Variants in RTL4 observed in about 807,000 individuals in gnomAD.
RTL4 encodes retrotransposon Gag-like protein 4.
A neutral mutation model predicts 5.3 loss-of-function variants in RTL4; 4 were observed. That is an observed-to-expected ratio of 0.75 (90% CI 0.37 to 1.72). RTL4 has a LOEUF of 1.72. Ranked by LOEUF, RTL4 falls within the 40% of genes most tolerant of loss-of-function variation. The pLI, the probability that RTL4 is intolerant of heterozygous loss-of-function variation, is 0.04. For synonymous variants in RTL4, 98 were observed against 87.3 expected (o/e 1.12, Z -0.68); for missense variants, 260 against 227.1 (o/e 1.14, Z -0.93).
chrX:112,093,292 C>T, the RTL4 span, among the ~76,000 whole-genome samples: 10 of 111,167 alleles, frequency 9.0e-5, 1 homozygote, highest in Admixed American at 6.7e-4. Flanking sequence ...CTTAAGAACT[C>T]ATAATAACTA....
chrX:112,127,901 A>G, the RTL4 span, among the ~76,000 whole-genome samples: 9 of 112,239 alleles, frequency 8.0e-5, no homozygotes, highest in African/African-American at 2.6e-4. Flanking sequence ...AAACTACAAA[A>G]CATTGCTTAG....
chrX:112,178,004 T>A, the RTL4 span, among the ~76,000 whole-genome samples: 1 of 109,662 alleles, frequency 9.1e-6, no homozygotes, highest in Non-Finnish European at 1.9e-5. Context: ...GTTTGGCCTG[T>A]AAGGCTGCAG....
the RTL4 span, among the ~76,000 whole-genome samples, chrX:112,327,478 C>A: frequency 9.1e-6 from 1 of 110,027 alleles, no homozygotes; most frequent in Non-Finnish European, 1.9e-5. Context: ...AAGAAATGAA[C>A]AAAGCCTCCA....
chrX:112,103,207 TA>T, the RTL4 span, among the ~76,000 whole-genome samples: 53 of 110,108 alleles, frequency 4.8e-4, no homozygotes, highest in African/African-American at 1.5e-3. Context: ...ATAGACTAGA[TA>T]AAAAAAAATG....
At chrX:112,229,961 G>C in the RTL4 span, among the ~76,000 whole-genome samples, 149 of 112,621 alleles carry the variant, frequency 1.3e-3, no homozygotes, top group African/African-American at 4.5e-3. Flanking sequence ...CTCCCAGTTA[G>C]GCTACTCGGG....
chrX:112,275,134 C>T, the RTL4 span, among the ~76,000 whole-genome samples: 1 of 110,254 alleles, frequency 9.1e-6, no homozygotes. Flanking sequence ...GAGCCATTTT[C>T]TGCAGTAAGC....
chrX:112,200,542 G>A, the RTL4 span, among the ~76,000 whole-genome samples: 29 of 111,963 alleles, frequency 2.6e-4, no homozygotes, highest in African/African-American at 8.4e-4. Context: ...TAACGAAGGG[G>A]TCAAAAATGC....
the RTL4 span, chrX:112,381,800 G>A: frequency 8.3e-7 from 1 of 1,208,997 alleles, no homozygotes; most frequent in African/African-American, 1.7e-5. Context: ...TGAGACAGCT[G>A]CAAAGACACG....
the RTL4 span, among the ~76,000 whole-genome samples, chrX:112,305,472 C>T: frequency 7.7e-4 from 85 of 110,305 alleles, no homozygotes; most frequent in African/African-American, 2.7e-3. Flanking sequence ...ACACCATTCT[C>T]CTGCCTCAGC....
chrX:112,365,156 T>C, the RTL4 span, among the ~76,000 whole-genome samples: 1 of 110,891 alleles, frequency 9.0e-6, no homozygotes, highest in Non-Finnish European at 1.9e-5. Flanking sequence ...AGTAGAAATA[T>C]GCCACGTGGA....
chrX:112,382,361 A>G, the RTL4 span: 10 of 431,262 alleles, frequency 2.3e-5, no homozygotes, highest in Admixed American at 1.1e-4. Flanking sequence ...GAAGGATTAG[A>G]TGGTTTTATC....
the RTL4 span, among the ~76,000 whole-genome samples, chrX:112,267,125 A>G: frequency 9.0e-6 from 1 of 111,127 alleles, no homozygotes; most frequent in Non-Finnish European, 1.9e-5. Flanking sequence ...CCTTGACCCC[A>G]CTTGCCATAA....
the RTL4 span, among the ~76,000 whole-genome samples, chrX:112,223,084 A>T: frequency 2.7e-5 from 3 of 112,524 alleles, no homozygotes; most frequent in African/African-American, 9.7e-5. Context: ...AAAGAGGAAG[A>T]AGGGCCAGGA....
chrX:112,201,973 T>TTGTGTGTGTGTG, the RTL4 span, among the ~76,000 whole-genome samples: 1,772 of 103,346 alleles, frequency 0.017, 34 homozygotes, highest in East Asian at 0.09. Flanking sequence ...TTGTGTGTGT[T>TTGTGTGTGTGTG]TGTGTGTGTG....
At chrX:112,106,567 G>T in the RTL4 span, among the ~76,000 whole-genome samples, 140 of 111,991 alleles carry the variant, frequency 1.3e-3, no homozygotes, top group Middle Eastern at 0.014. Context: ...TCACATGGTG[G>T]TTCTATTTTT....
the RTL4 span, among the ~76,000 whole-genome samples, chrX:112,403,154 C>A: frequency 9.0e-6 from 1 of 111,378 alleles, no homozygotes; most frequent in African/African-American, 3.3e-5. Context: ...ACCTTTGCAA[C>A]CATTGCCCGT....
the RTL4 span, among the ~76,000 whole-genome samples, chrX:112,380,638 A>G: frequency 8.9e-6 from 1 of 112,397 alleles, no homozygotes; most frequent in African/African-American, 3.2e-5. Context: ...GAGACACCGC[A>G]TGGCTAGAGA....
At chrX:112,236,731 T>C in the RTL4 span, among the ~76,000 whole-genome samples, 1 of 108,925 alleles carries the variant, frequency 9.2e-6, no homozygotes, top group African/African-American at 3.3e-5. Flanking sequence ...AGTAAAGCTG[T>C]ACTGTTGTAA....
At chrX:112,435,281 C>A in the RTL4 span, among the ~76,000 whole-genome samples, 1 of 111,771 alleles carries the variant, frequency 8.9e-6, no homozygotes, top group East Asian at 2.8e-4. Context: ...TACTGACAAC[C>A]CCTTGCACAT....
Sources: gnomAD v4.1 joint callset for allele counts (sites outside exome capture counted in the v4.1 genomes callset) on GRCh38, gnomAD v4.1.1 for gene constraint, MANE v1.5 for transcripts, NCBI Gene and HGNC (gene_info 2026-07-23, HGNC 2026-07-21) for gene names.